SAMD3: variants seen among roughly 807,000 people sequenced by gnomAD.
SAMD3 encodes the protein sterile alpha motif domain containing 3.
Under a neutral mutation model 58.5 loss-of-function variants are expected in SAMD3, and 63 were observed. The observed-to-expected ratio is 1.08, with a 90% CI of 0.88 to 1.33. The LOEUF (loss-of-function observed/expected upper bound fraction) is 1.33, where lower values mean the gene tolerates loss of function less well. Ranked by LOEUF, SAMD3 falls within the 40% of genes most tolerant of loss-of-function variation. The pLI is 0.00. For synonymous variants in SAMD3, 220 were observed against 210.3 expected, an observed-to-expected ratio of 1.05 and a Z score of -0.40; for missense variants, 604 against 608.4, an observed-to-expected ratio of 0.99 and a Z score of 0.08.
chr6:130,183,214 T>C, intron 7 of SAMD3: 1 of 376,366 alleles, frequency 2.7e-6, no homozygotes, highest in Non-Finnish European at 5.1e-6. Flanking sequence ...GGAATCCTAA[T>C]GTGCAACCAG....
intron 2 of SAMD3, chr6:130,216,080 G>A (rs1027362174): frequency 4.1e-5 from 12 of 294,498 alleles, no homozygotes; most frequent in African/African-American, 3.4e-4. Context: ...AATAATTATC[G>A]TGAAAGAAGC....
chr6:130,300,166 A>G (rs1444749302), intron 2 of SAMD3, among the ~76,000 whole-genome samples: 1 of 152,150 alleles, frequency 6.6e-6, no homozygotes, highest in Non-Finnish European at 1.5e-5. Flanking sequence ...AAAGGAAACT[A>G]CAAGCCAATA....
rs139450366 is a variant in SAMD3 at position 130,285,160 on chromosome 6, G to A, written c.-188+27818C>T. 5.2e-3 allele frequency among the ~76,000 whole-genome samples: 795 copies of A among 152,226 alleles called. 6 individuals are homozygous for A. The highest frequency in any genetic ancestry group is 0.018 in the African/African-American group (766 of 41,542). ...CTGAATGACAAAAGAGTTGCAAAACGTTATATATAGTAGACACCAAGTGGA... is the reference window on the plus strand; with the variant it reads ...CTGAATGACAAAAGAGTTGCAAAACATTATATATAGTAGACACCAAGTGGA... On this transcript the variant is annotated intron_variant, in intron 2 of 13. Coordinates refer to the SAMD3 transcript ENST00000368134.
At chr6:130,359,968 T>C (rs1368605225) in intron 1 of SAMD3, among the ~76,000 whole-genome samples, 3 of 152,216 alleles carry the variant, frequency 2.0e-5, no homozygotes, top group Admixed American at 2.0e-4. Context: ...TTTCCAGCCA[T>C]GGCCCTGTCA....
At chr6:130,204,138 A>C (rs1299369355) in intron 5 of SAMD3, among the ~76,000 whole-genome samples, 1 of 152,230 alleles carries the variant, frequency 6.6e-6, no homozygotes, top group African/African-American at 2.4e-5. Context: ...GCGGAAGCAA[A>C]ACATCTGGAC....
At chr6:130,268,345 A>G (rs1308131074) in intron 2 of SAMD3, among the ~76,000 whole-genome samples, 1 of 152,222 alleles carries the variant, frequency 6.6e-6, no homozygotes, top group Non-Finnish European at 1.5e-5. Context: ...GAAACATGAG[A>G]GAACTTATAA....
chr6:130,307,853 G>A (rs1583078563), intron 2 of SAMD3, among the ~76,000 whole-genome samples: 2 of 152,176 alleles, frequency 1.3e-5, no homozygotes, highest in East Asian at 3.8e-4. Context: ...ATTTGAGACA[G>A]TTGTTTTAGA....
chr6:130,346,655 C>A (rs899354529), intron 1 of SAMD3, among the ~76,000 whole-genome samples: 1 of 152,320 alleles, frequency 6.6e-6, no homozygotes, highest in African/African-American at 2.4e-5. Flanking sequence ...CTCTGGGGGC[C>A]GGGCATAGCC....
At chr6:130,157,367 C>G (rs1408962960) in intron 8 of SAMD3, among the ~76,000 whole-genome samples, 1 of 149,766 alleles carries the variant, frequency 6.7e-6, no homozygotes, top group Non-Finnish European at 1.5e-5. Flanking sequence ...GAGACAAGGT[C>G]TCACTCTGTC....
chr6:130,341,205 A>C (rs1229783080), intron 1 of SAMD3, among the ~76,000 whole-genome samples: 1 of 152,148 alleles, frequency 6.6e-6, no homozygotes, highest in Admixed American at 6.5e-5. Context: ...TAGTGATAAT[A>C]ACCAATATGG....
intron 2 of SAMD3, among the ~76,000 whole-genome samples, chr6:130,273,176 T>C (rs1774628366): frequency 6.6e-6 from 1 of 152,146 alleles, no homozygotes; most frequent in African/African-American, 2.4e-5. Context: ...ATTTGCTTTA[T>C]ATATTTACAA....
chr6:130,260,651 T>C (rs1191955444), intron 2 of SAMD3, among the ~76,000 whole-genome samples: 1 of 152,206 alleles, frequency 6.6e-6, no homozygotes, highest in Non-Finnish European at 1.5e-5. Flanking sequence ...GATTGGCGAA[T>C]GGTCGAGGCA....
chr6:130,276,632 C>T (rs1222354035), intron 2 of SAMD3, among the ~76,000 whole-genome samples: 1 of 152,102 alleles, frequency 6.6e-6, no homozygotes. Flanking sequence ...TATACACTTA[C>T]ATTATAATAA....
chr6:130,358,510 T>C (rs1777898347), intron 1 of SAMD3, among the ~76,000 whole-genome samples: 1 of 152,224 alleles, frequency 6.6e-6, no homozygotes. Context: ...TCCATCTGAC[T>C]GCTGTGTCCA....
At chr6:130,296,643 G>A (rs1018951258) in intron 2 of SAMD3, among the ~76,000 whole-genome samples, 34 of 152,136 alleles carry the variant, frequency 2.2e-4, no homozygotes, top group African/African-American at 8.2e-4. Context: ...GTTTGAGCTT[G>A]TACAAAGCCC....
chr6:130,278,924 T>G (rs1166687352), intron 2 of SAMD3, among the ~76,000 whole-genome samples: 1 of 152,150 alleles, frequency 6.6e-6, no homozygotes, highest in East Asian at 1.9e-4. Flanking sequence ...ACGATGTGGT[T>G]AGACTCTGCA....
intron 8 of SAMD3, among the ~76,000 whole-genome samples, chr6:130,162,468 C>T (rs537492591): frequency 6.6e-6 from 1 of 152,100 alleles, no homozygotes; most frequent in African/African-American, 2.4e-5. Flanking sequence ...AAAAAGTTTA[C>T]AAAGAGAGTA....
intron 1 of SAMD3, among the ~76,000 whole-genome samples, chr6:130,343,765 G>C (rs1281986980): frequency 1.3e-5 from 2 of 152,018 alleles, no homozygotes; most frequent in Non-Finnish European, 2.9e-5. Context: ...AGGGGTTTGA[G>C]ACCAGCCTAG....
chr6:130,165,190 G>A (rs1790618187), intron 8 of SAMD3, among the ~76,000 whole-genome samples: 1 of 152,088 alleles, frequency 6.6e-6, no homozygotes, highest in South Asian at 2.1e-4. Context: ...ATCATAAAAT[G>A]AAGACCTCTT....
Sources: allele counts gnomAD v4.1 joint callset (sites outside exome capture counted in the v4.1 genomes callset), GRCh38; gene constraint gnomAD v4.1.1; transcripts MANE v1.5; gene names NCBI Gene and HGNC (gene_info 2026-07-23, HGNC 2026-07-21).